LIG1: variants seen among roughly 807,000 people sequenced by gnomAD.
LIG1 encodes the protein DNA ligase 1.
Under a neutral mutation model 115.7 loss-of-function variants are expected in LIG1, and 70 were observed. The ratio of observed to expected loss-of-function variants is 0.60; its 90% CI spans 0.50 to 0.74. The LOEUF (loss-of-function observed/expected upper bound fraction) is 0.74, where lower values mean the gene tolerates loss of function less well. Ranked by LOEUF, LIG1 falls within the 30% of genes least tolerant of loss-of-function variation. The probability of loss-of-function intolerance (pLI) is 0.00; values close to 1 mark genes in which losing one functional copy is unlikely to be tolerated. For missense variants in LIG1, 1,115 were observed against 1,225.6 expected, an observed-to-expected ratio of 0.91 and a Z score of 1.35; for synonymous variants, 487 against 495.3, an observed-to-expected ratio of 0.98 and a Z score of 0.22.
rs1427925056 is a variant in LIG1 at position 48,137,393 on chromosome 19, A to C, written c.1254+129T>G. 1 of 1,187,794 alleles carries C rather than the reference A, an allele frequency of 8.4e-7. No individual in the cohort carries two copies. Among genetic ancestry groups the C allele is most frequent in the Non-Finnish European group, 1.2e-6 (1 of 835,036 alleles). The allele number at this position is 1,187,794 out of a possible 1,614,324, so 73.6% of individuals were successfully genotyped here. A position where few individuals can be genotyped will look rare whatever the true frequency, so the allele number is the denominator to read the frequency against. On this transcript the variant is annotated intron_variant, in intron 13 of 27. Transcript: ENST00000263274. The surrounding 1 kb of genome is among the most constrained non-coding windows in gnomAD (Gnocchi z 4.3). The stretch of plus-strand genomic sequence containing the variant: ...ATTGGGTGCAGGAAGGAGGAGAGGA[A>C]GCTGTGCACCCCATGAGAAGGACTG...
At position 48,165,608 on chromosome 19, in the gene LIG1, C is replaced by A. The variant is rs537891545; in HGVS notation, c.-42G>T. Reference sequence around the variant, plus strand: ...TCCCTTCCTGTCCAGCACTTTTCTTCGTCTGTCAGCTGCTCCTGGAACAGA... The same window carrying A: ...TCCCTTCCTGTCCAGCACTTTTCTTAGTCTGTCAGCTGCTCCTGGAACAGA... On this transcript the variant is annotated 5_prime_UTR_variant, in exon 2 of 28. Coordinates refer to ENST00000263274, the MANE Select transcript of LIG1 (RefSeq NM_000234.3). The A allele has an allele frequency of 1.9e-6, 3 of 1,613,550 alleles. No homozygotes were observed. Among genetic ancestry groups the A allele is most frequent in the Admixed American group, 3.3e-5 (2 of 59,950 alleles).
At chr19:48,121,031 GTAAA>G (rs1347385488) in intron 24 of LIG1, 135 bp downstream of exon 24, 1 of 1,525,720 alleles carries the variant, frequency 6.6e-7, no homozygotes, top group Non-Finnish European at 8.8e-7. Flanking sequence ...ACCAGAAAAA[GTAAA>G]TAAAAACTGG....
Position 48,122,492 on chromosome 19 carries a change from T to G in LIG1, c.2232+442A>C, listed in dbSNP as rs773561212. ...CTGCACCGGGGGTTTTCCTCCCTAG[T>G]GCTCTGTCCCTCACTTTGGGAAAGA... is the stretch of plus-strand genomic sequence containing the variant. On this transcript the variant is annotated intron_variant, in intron 23 of 27. Transcript: ENST00000263274. This position sits in a 1 kb window ranked among gnomAD's most constrained non-coding sequence, Gnocchi z 4.3. 2 of 294,936 alleles carry G rather than the reference T, an allele frequency of 6.8e-6. No homozygotes were observed. The highest frequency in any genetic ancestry group is 2.2e-5 in the African/African-American group (1 of 45,952). 18.3% of individuals were successfully genotyped at this position (294,936 alleles called of 1,614,324 possible).
At chr19:48,152,690 GT>G (rs2035553623) in intron 6 of LIG1, among the ~76,000 whole-genome samples, 1 of 152,068 alleles carries the variant, frequency 6.6e-6, no homozygotes, top group Admixed American at 6.6e-5. Flanking sequence ...CTAGTTCGAG[GT>G]ATTTCAGTTT....
intron 6 of LIG1, among the ~76,000 whole-genome samples, chr19:48,153,256 T>C (rs1182979040): frequency 6.7e-6 from 1 of 148,680 alleles, no homozygotes; most frequent in Non-Finnish European, 1.5e-5. Flanking sequence ...TAGTATCTAA[T>C]AGTTGTTTGG....
Position 48,122,410 on chromosome 19 carries a change from C to G in LIG1, c.2232+524G>C, listed in dbSNP as rs570726460. The G allele has an allele frequency of 5.3e-6, 1 of 190,124 alleles. No individual in the cohort carries two copies. Among genetic ancestry groups the G allele is most frequent in the Non-Finnish European group, 1.1e-5 (1 of 90,174 alleles). The allele number at this position is 190,124 out of a possible 1,614,324, so 11.8% of individuals were successfully genotyped here. ...CTGCTCCCCACTCTGAGCTCACCTC[C>G]CGCCTCGCCTGCCCTTGCTCCCTGC... On this transcript the variant is annotated intron_variant, in intron 23 of 27. Transcript: ENST00000263274. This position sits in a 1 kb window ranked among gnomAD's most constrained non-coding sequence, Gnocchi z 4.3.
At chr19:48,166,416 G>C (rs2036485143) in intron 1 of LIG1, among the ~76,000 whole-genome samples, 1 of 151,982 alleles carries the variant, frequency 6.6e-6, no homozygotes, top group South Asian at 2.1e-4. Context: ...ACAAAAGAAA[G>C]ACTATAAATG....
In LIG1 at chr19:48,137,372, G is replaced by C; in HGVS notation, c.1254+150C>G. Reference sequence around the variant, plus strand: ...TGAAGAGGAGACTCCCCTAGGATTGGGTGCAGGAAGGAGGAGAGGAAGCTG... The same window carrying C: ...TGAAGAGGAGACTCCCCTAGGATTGCGTGCAGGAAGGAGGAGAGGAAGCTG... On this transcript the variant is annotated intron_variant, in intron 13 of 27. Coordinates refer to ENST00000263274, the MANE Select transcript of LIG1 (RefSeq NM_000234.3). The surrounding 1 kb of genome is among the most constrained non-coding windows in gnomAD (Gnocchi z 4.3). 2 of 999,008 alleles carry C rather than the reference G, an allele frequency of 2.0e-6. No homozygotes were observed. The highest frequency in any genetic ancestry group is 3.0e-5 in the South Asian group (2 of 67,524). 61.9% of individuals were successfully genotyped at this position (999,008 alleles called of 1,614,324 possible). A position where few individuals can be genotyped will look rare whatever the true frequency, so the allele number is the denominator to read the frequency against.
intron 26 of LIG1, among the ~76,000 whole-genome samples, chr19:48,116,360 G>A (rs912585478): frequency 1.3e-5 from 2 of 151,682 alleles, no homozygotes; most frequent in African/African-American, 2.4e-5. Context: ...GCAGGAGAAT[G>A]GCGTGAATCC....
In LIG1 at chr19:48,122,875, A is replaced by C; in HGVS notation, c.2232+59T>G. ...AGTGGAGGCTCGAAATCCACTGCCT[A>C]GCTGGGACAGACCTCCAGACCCGGG... On this transcript the variant is annotated intron_variant, in intron 23 of 27. Coordinates refer to ENST00000263274, the MANE Select transcript of LIG1 (RefSeq NM_000234.3). This position sits in a 1 kb window ranked among gnomAD's most constrained non-coding sequence, Gnocchi z 4.3. 6.7e-7 allele frequency: 1 copy of C among 1,490,072 alleles called. No individual in the cohort carries two copies. The highest frequency in any genetic ancestry group is 9.4e-7 in the Non-Finnish European group (1 of 1,067,098). 92.3% of individuals were successfully genotyped at this position (1,490,072 alleles called of 1,614,324 possible). A position where few individuals can be genotyped will look rare whatever the true frequency, so the allele number is the denominator to read the frequency against.
chr19:48,156,020 T>C (rs897456475), intron 5 of LIG1, among the ~76,000 whole-genome samples: 2 of 152,164 alleles, frequency 1.3e-5, no homozygotes, highest in African/African-American at 4.8e-5. Context: ...CTGCCCCGCA[T>C]TACGAATGGG....
chr19:48,142,166 G>A (rs187638011), intron 11 of LIG1, among the ~76,000 whole-genome samples: 70 of 152,032 alleles, frequency 4.6e-4, no homozygotes, highest in Non-Finnish European at 8.5e-4. Flanking sequence ...GGCCGGGCGC[G>A]GTGGCTCACA....
At chr19:48,161,326 GAA>G in intron 4 of LIG1, 44 bp downstream of exon 4, 2 of 1,613,204 alleles carry the variant, frequency 1.2e-6, no homozygotes, top group Non-Finnish European at 1.7e-6. Flanking sequence ...AGGTTAATGG[GAA>G]TTAGTTTCTT....
intron 7 of LIG1, among the ~76,000 whole-genome samples, chr19:48,150,932 C>T (rs2035432179): frequency 6.6e-6 from 1 of 151,982 alleles, no homozygotes; most frequent in Non-Finnish European, 1.5e-5. Context: ...AACTCCTGGG[C>T]TCAAGTAGTC....
intron 2 of LIG1, 36 bp from the exon 3 acceptor site, chr19:48,162,387 T>A (rs751217018): frequency 1.4e-6 from 2 of 1,441,006 alleles, no homozygotes; most frequent in South Asian, 2.3e-5. Context: ...AAAAGGAGAA[T>A]AACAGCACCA....
At chr19:48,143,503 A>AGGGGGGGGGGGGGGGGG in intron 11 of LIG1, 40 bp downstream of exon 11, 1 of 692,830 alleles carries the variant, frequency 1.4e-6, no homozygotes, top group Non-Finnish European at 2.6e-6. Context: ...CAGACCCAGA[A>AGGGGGGGGGGGGGGGGG]GCGACCCCGC....
At position 48,134,140 on chromosome 19, in the gene LIG1, T is replaced by C. The variant is rs1387290125; in HGVS notation, c.1524-74A>G. On this transcript the variant is annotated intron_variant, in intron 16 of 27. Coordinates refer to ENST00000263274, the MANE Select transcript of LIG1 (RefSeq NM_000234.3). ...CACAGTTTGGAAAGAGAGCTCGGCC[T>C]GCTCCCAGAAGCCTGGGCTCCTGGA... The C allele has an allele frequency of 5.8e-6, 8 of 1,385,560 alleles. No homozygotes were observed. The East Asian group carries it at 2.0e-4, about 35-fold the overall frequency. The allele number at this position is 1,385,560 out of a possible 1,614,324, so 85.8% of individuals were successfully genotyped here. A position where few individuals can be genotyped will look rare whatever the true frequency, so the allele number is the denominator to read the frequency against.
At chr19:48,117,951 A>C (rs1188979786) in intron 25 of LIG1, 170 bp from the exon 26 acceptor site, 12 of 681,864 alleles carry the variant, frequency 1.8e-5, no homozygotes, top group Non-Finnish European at 3.1e-5. Flanking sequence ...CCTTGAAGTA[A>C]ACAGAAATAG....
At chr19:48,123,106 G>A in intron 22 of LIG1, 68 bp downstream of exon 22, 1 of 1,612,340 alleles carries the variant, frequency 6.2e-7, no homozygotes, top group Admixed American at 1.7e-5. Context: ...TCCAGGACTG[G>A]GGACAGGCTG....
Sources: gnomAD v4.1 joint callset for allele counts (sites outside exome capture counted in the v4.1 genomes callset) on GRCh38, gnomAD v4.1.1 for gene constraint, Gnocchi (gnomAD v3.1) non-coding constraint, MANE v1.5 for transcripts, NCBI Gene and HGNC (gene_info 2026-07-23, HGNC 2026-07-21) for gene names.